MGMT: variants seen among roughly 807,000 people sequenced by gnomAD.
MGMT encodes the protein methylated-DNA--protein-cysteine methyltransferase.
A neutral mutation model predicts 15.9 loss-of-function variants in MGMT; 14 were observed. The observed-to-expected ratio is 0.88, with a 90% CI of 0.58 to 1.37. The LOEUF is 1.37. MGMT is among the 40% of genes most tolerant of loss of function. The probability of loss-of-function intolerance (pLI) is 0.00; values close to 1 mark genes in which losing one functional copy is unlikely to be tolerated. For missense variants in MGMT, 282 were observed against 268.1 expected (o/e 1.05, Z -0.36); for synonymous variants, 130 against 118.2 (o/e 1.10, Z -0.65).
chr10:129,722,640 CAG>C lies in MGMT; in HGVS notation c.274+14607_274+14608del, dbSNP rs142860241. ...AGGATCAAAACTTAGAACAGTGCAACAGAGAGAGAGACCAGTGTTTTTTCAGT... is the reference window on the plus strand; with the variant it reads ...AGGATCAAAACTTAGAACAGTGCAACAGAGAGAGACCAGTGTTTTTTCAGT... On this transcript the variant is annotated intron_variant, in intron 3 of 4. Transcript: ENST00000651593. Among the ~76,000 whole-genome samples, 894 of 152,236 alleles carry C rather than the reference CAG, an allele frequency of 5.9e-3. 5 individuals are homozygous for C. The highest frequency in any genetic ancestry group is 0.02 in the African/African-American group (830 of 41,540).
At chr10:129,688,964 T>C (rs1031113981) in intron 2 of MGMT, among the ~76,000 whole-genome samples, 2 of 152,138 alleles carry the variant, frequency 1.3e-5, no homozygotes, top group Non-Finnish European at 2.9e-5. Context: ...TTTCTATCTT[T>C]TGTTTGTTTT....
chr10:129,620,285 C>T (rs1417261025), intron 2 of MGMT, among the ~76,000 whole-genome samples: 17 of 152,156 alleles, frequency 1.1e-4, no homozygotes, highest in Non-Finnish European at 2.5e-4. Context: ...TACACTGTTC[C>T]ATGTGCATTT....
intron 2 of MGMT, among the ~76,000 whole-genome samples, chr10:129,571,992 G>T (rs544967469): frequency 6.6e-6 from 1 of 152,150 alleles, no homozygotes; most frequent in Non-Finnish European, 1.5e-5. Flanking sequence ...GTGACACTCC[G>T]TGGAAGCATC....
Position 129,556,736 on chromosome 10 carries a change from G to T in MGMT, c.125+20359G>T, listed in dbSNP as rs542054242. On this transcript the variant is annotated intron_variant, in intron 2 of 4. Transcript: ENST00000651593. The surrounding 1 kb of genome is among the most constrained non-coding windows in gnomAD (Gnocchi z 4.3). Reference sequence around the variant, plus strand: ...TATTTTACACATATTTGAAAAGAAAGGTTTGAGAAGGCATCCATTATTAAA... The same window carrying T: ...TATTTTACACATATTTGAAAAGAAATGTTTGAGAAGGCATCCATTATTAAA... Among the ~76,000 whole-genome samples the T allele has an allele frequency of 6.6e-6, 1 of 152,206 alleles. No individual in the cohort carries two copies. The highest frequency in any genetic ancestry group is 1.5e-5 in the Non-Finnish European group (1 of 68,034).
At chr10:129,653,173 A>G (rs1014499652) in intron 2 of MGMT, among the ~76,000 whole-genome samples, 1 of 151,612 alleles carries the variant, frequency 6.6e-6, no homozygotes, top group East Asian at 1.9e-4. Flanking sequence ...TCAAGACTCT[A>G]CTCCACTGGA....
At chr10:129,475,104 A>G (rs1008812873) in intron 1 of MGMT, among the ~76,000 whole-genome samples, 1 of 151,878 alleles carries the variant, frequency 6.6e-6, no homozygotes, top group African/African-American at 2.4e-5. Context: ...AGAGGTGGCA[A>G]GGTCTGGGGA....
chr10:129,468,145 C>T (rs546985870), intron 1 of MGMT, among the ~76,000 whole-genome samples: 3 of 152,134 alleles, frequency 2.0e-5, no homozygotes, highest in Non-Finnish European at 4.4e-5. Context: ...CAAATAGAAA[C>T]CTATAGAGTA....
chr10:129,671,432 T>C (rs907857181), intron 2 of MGMT, among the ~76,000 whole-genome samples: 4 of 99,604 alleles, frequency 4.0e-5, no homozygotes, highest in African/African-American at 1.7e-4. Context: ...CTGGACATCT[T>C]TTTTTTTTTG....
At chr10:129,639,389 G>A (rs1452161537) in intron 2 of MGMT, among the ~76,000 whole-genome samples, 3 of 152,032 alleles carry the variant, frequency 2.0e-5, no homozygotes, top group Non-Finnish European at 4.4e-5. Context: ...AAGCAAAAAC[G>A]GAAAGGAGAA....
chr10:129,496,975 G>A (rs900487153), intron 1 of MGMT, among the ~76,000 whole-genome samples: 40 of 152,102 alleles, frequency 2.6e-4, no homozygotes, highest in Admixed American at 2.6e-3. Context: ...TTACAGGCAT[G>A]ACCCACTGTG....
chr10:129,668,296 A>G lies in MGMT; in HGVS notation c.126-39599A>G, dbSNP rs186562435. On this transcript the variant is annotated intron_variant, in intron 2 of 4. Transcript: ENST00000651593. ...TACATATTCATCTTAAAAAAAAAAA[A>G]AGAATAACCTTTAGAAGTATAAAAA... Among the ~76,000 whole-genome samples the G allele has an allele frequency of 5.9e-5, 9 of 152,176 alleles. No homozygotes were observed. In the South Asian group the frequency reaches 6.2e-4, roughly 11 times the overall value.
intron 1 of MGMT, among the ~76,000 whole-genome samples, chr10:129,527,707 C>T (rs1845885851): frequency 6.6e-6 from 1 of 152,138 alleles, no homozygotes; most frequent in Admixed American, 6.5e-5. Context: ...TCCCAGACGC[C>T]TCTCCCTGTC....
chr10:129,484,616 C>T (rs1845390007), intron 1 of MGMT, among the ~76,000 whole-genome samples: 1 of 152,078 alleles, frequency 6.6e-6, no homozygotes, highest in East Asian at 1.9e-4. Flanking sequence ...GATTTTTCTC[C>T]TGATTGTGGG....
At chr10:129,581,775 T>C (rs946363590) in intron 2 of MGMT, among the ~76,000 whole-genome samples, 3 of 152,230 alleles carry the variant, frequency 2.0e-5, no homozygotes, top group Non-Finnish European at 4.4e-5. Context: ...GAGTTAGGTG[T>C]GGGCGTGAGC....
intron 2 of MGMT, among the ~76,000 whole-genome samples, chr10:129,600,221 T>C (rs1345098215): frequency 6.6e-6 from 1 of 152,160 alleles, no homozygotes; most frequent in East Asian, 1.9e-4. Flanking sequence ...GGCTGCCATC[T>C]CGCACAAAAT....
intron 1 of MGMT, among the ~76,000 whole-genome samples, chr10:129,514,370 CTT>C (rs1317409217): frequency 6.6e-6 from 1 of 152,030 alleles, no homozygotes; most frequent in East Asian, 1.9e-4. Flanking sequence ...TTATTGTAGT[CTT>C]TTGTTTTTAT....
chr10:129,470,971 T>C (rs1357276278), intron 1 of MGMT, among the ~76,000 whole-genome samples: 1 of 152,206 alleles, frequency 6.6e-6, no homozygotes, highest in Non-Finnish European at 1.5e-5. Context: ...CTCCTACTCC[T>C]AAAAGTTTCT....
chr10:129,612,851 T>TC (rs1477538206), intron 2 of MGMT, among the ~76,000 whole-genome samples: 2 of 152,210 alleles, frequency 1.3e-5, no homozygotes, highest in Non-Finnish European at 2.9e-5. Flanking sequence ...CTCTGCCTCT[T>TC]CCGTCCCCCT....
At position 129,719,740 on chromosome 10, in the gene MGMT, G is replaced by A. The variant is rs142075752; in HGVS notation, c.274+11697G>A. On this transcript the variant is annotated intron_variant, in intron 3 of 4. Transcript: ENST00000651593. ...CATCTGCTGATACAGTTGAAATGCC[G>A]AGGGTCAGGGCTGCAACATACGAAT... 3.1e-3 allele frequency among the ~76,000 whole-genome samples: 467 copies of A among 152,242 alleles called. 6 individuals are homozygous for A. Among genetic ancestry groups the A allele is most frequent in the African/African-American group, 0.01 (432 of 41,540 alleles).
Sources: gnomAD v4.1 joint callset for allele counts (sites outside exome capture counted in the v4.1 genomes callset) on GRCh38, gnomAD v4.1.1 for gene constraint, Gnocchi (gnomAD v3.1) non-coding constraint, MANE v1.5 for transcripts, NCBI Gene and HGNC (gene_info 2026-07-23, HGNC 2026-07-21) for gene names.